Variants in COL15A1 observed in about 807,000 individuals in gnomAD.
COL15A1 encodes collagen alpha-1(XV) chain.
COL15A1 carries 111 observed loss-of-function variants against 165.9 expected under a neutral mutation model. The ratio of observed to expected loss-of-function variants is 0.67; its 90% CI spans 0.57 to 0.78. The LOEUF is 0.78. Ranked by LOEUF, COL15A1 falls within the 30% of genes least tolerant of loss-of-function variation. The pLI is 0.00. For synonymous variants in COL15A1, 659 were observed against 674.8 expected, an observed-to-expected ratio of 0.98 and a Z score of 0.36; for missense variants, 1,745 against 1,789.7, an observed-to-expected ratio of 0.98 and a Z score of 0.45.
In COL15A1 at chr9:99,056,505, G is replaced by T. The variant is rs1276070435; in HGVS notation, c.3337+101G>T. On this transcript the variant is annotated intron_variant, in intron 35 of 41. Transcript: ENST00000375001. ...GTCACAGCTGCACTGCCTAACAGAG[G>T]GCTTTCCTGGATACCGCCTTCTTTC... is the stretch of plus-strand genomic sequence containing the variant. 3.4e-6 allele frequency: 5 copies of T among 1,457,088 alleles called. No homozygotes were observed. The Admixed American group carries it at 7.7e-5, about 22-fold the overall frequency. The allele number at this position is 1,457,088 out of a possible 1,614,324, so 90.3% of individuals were successfully genotyped here. A position where few individuals can be genotyped will look rare whatever the true frequency, so the allele number is the denominator to read the frequency against.
chr9:99,035,089 C>T lies in COL15A1; in HGVS notation c.2155C>T (p.Pro719Ser), dbSNP rs1264547568. Reference sequence around the variant, plus strand: ...AGCTGGCCCTCCTGGGGTCATGGGACCCCCAGGGCCTCCTGGACCCCCTGG... The same window carrying T: ...AGCTGGCCCTCCTGGGGTCATGGGATCCCCAGGGCCTCCTGGACCCCCTGG... ...GQAGPPGVMGPPGPPGPPGPP... is the reference protein window; with the variant it reads ...GQAGPPGVMGSPGPPGPPGPP... Residue 719 changes from proline to serine, a missense_variant, in exon 18 of 42, where the codon CCC becomes TCC. By Grantham distance (74) the Pro-to-Ser change is moderately conservative. Coordinates refer to ENST00000375001, the MANE Select transcript of COL15A1 (RefSeq NM_001855.5). 2 of 1,602,108 alleles carry T rather than the reference C, an allele frequency of 1.2e-6. No individual in the cohort carries two copies. Among genetic ancestry groups the T allele is most frequent in the Non-Finnish European group, 1.7e-6 (2 of 1,169,632 alleles).
At chr9:98,988,737 A>G (rs971474042) in intron 4 of COL15A1, among the ~76,000 whole-genome samples, 1 of 152,086 alleles carries the variant, frequency 6.6e-6, no homozygotes, top group Non-Finnish European at 1.5e-5. Context: ...AGCCTGGCCA[A>G]CATGGTGAAA....
intron 2 of COL15A1, among the ~76,000 whole-genome samples, chr9:98,959,041 T>C (rs1038474175): frequency 3.9e-5 from 6 of 151,942 alleles, no homozygotes; most frequent in Non-Finnish European, 7.4e-5. Context: ...CTTTAGTTCA[T>C]GGAATGGCTG....
At chr9:99,013,931 A>T (rs1057503473) in intron 9 of COL15A1, among the ~76,000 whole-genome samples, 1 of 152,156 alleles carries the variant, frequency 6.6e-6, no homozygotes, top group Non-Finnish European at 1.5e-5. Context: ...AAAGAAAAAA[A>T]GTTTTTAAGA....
chr9:99,038,250 T>C (rs993060173), intron 21 of COL15A1, among the ~76,000 whole-genome samples: 21 of 152,294 alleles, frequency 1.4e-4, no homozygotes, highest in African/African-American at 5.1e-4. Flanking sequence ...AAAATATTCA[T>C]ATTCCAAAAT....
chr9:99,029,883 C>T (rs1329409927), intron 16 of COL15A1, among the ~76,000 whole-genome samples: 3 of 151,780 alleles, frequency 2.0e-5, no homozygotes, highest in Admixed American at 6.6e-5. Context: ...CGAGATCGTG[C>T]CATTGCACTC....
rs563425953 is a variant in COL15A1, at chr9:99,015,900, A to G, written c.1504-76A>G. 918 of 1,553,074 alleles carry G rather than the reference A, an allele frequency of 5.9e-4. 1 individual carries two copies. Among genetic ancestry groups the G allele is most frequent in the Non-Finnish European group, 7.6e-4 (870 of 1,142,068 alleles). ...TGCTTTGAAACTGGGCTGGCACCAC[A>G]GAAACGACTGTTACAACTCCCTGGC... On this transcript the variant is annotated intron_variant, in intron 10 of 41. Transcript: ENST00000375001.
chr9:98,988,792 G>A (rs1333009529), intron 4 of COL15A1, among the ~76,000 whole-genome samples: 1 of 151,906 alleles, frequency 6.6e-6, no homozygotes, highest in East Asian at 1.9e-4. Flanking sequence ...GCGTGGTGGC[G>A]TGTGCTTGTA....
At chr9:99,032,202 A>G (rs542036483) in intron 16 of COL15A1, among the ~76,000 whole-genome samples, 1 of 151,394 alleles carries the variant, frequency 6.6e-6, no homozygotes, top group Non-Finnish European at 1.5e-5. Flanking sequence ...TTATTTTTTA[A>G]TTTATTTTTA....
chr9:99,000,121 T>A (rs532255737), intron 6 of COL15A1, among the ~76,000 whole-genome samples: 3 of 152,298 alleles, frequency 2.0e-5, no homozygotes, highest in Non-Finnish European at 4.4e-5. Flanking sequence ...TCTGCCCACC[T>A]CGGCCTCCCA....
intron 2 of COL15A1, among the ~76,000 whole-genome samples, chr9:98,982,138 A>G (rs980088284): frequency 6.6e-6 from 1 of 151,368 alleles, no homozygotes; most frequent in African/African-American, 2.4e-5. Context: ...ATATAGAGAG[A>G]GATAGGGTAT....
chr9:99,025,846 G>T (rs373147685), intron 15 of COL15A1, 58 bp from the exon 16 acceptor site: 5 of 1,562,886 alleles, frequency 3.2e-6, no homozygotes, highest in Non-Finnish European at 4.4e-6. Flanking sequence ...TCTAGCAAGC[G>T]TGTGTATGTG....
At chr9:98,966,239 C>A (rs1889265) in intron 2 of COL15A1, among the ~76,000 whole-genome samples, 36,842 of 152,098 alleles carry the variant, frequency 0.24, 4,935 homozygotes, top group East Asian at 0.36. Flanking sequence ...TCAAGAAACA[C>A]CCCAGGCCAT....
chr9:99,016,699 A>G (rs527516859), intron 11 of COL15A1, among the ~76,000 whole-genome samples: 2 of 152,354 alleles, frequency 1.3e-5, no homozygotes, highest in Admixed American at 6.5e-5. Flanking sequence ...TCTTAGAAAT[A>G]GGAAACCCAG....
intron 26 of COL15A1, among the ~76,000 whole-genome samples, chr9:99,045,382 C>T (rs770489403): frequency 5.9e-5 from 9 of 152,216 alleles, no homozygotes; most frequent in Admixed American, 2.6e-4. Context: ...AAGCCCTCTT[C>T]TCTCTCTGGG....
At position 99,035,028 on chromosome 9, in the gene COL15A1, C is replaced by T. The variant is rs1489960569; in HGVS notation, c.2094C>T (p.Asn698=). 4.3e-6 allele frequency: 7 copies of T among 1,613,204 alleles called. No individual in the cohort carries two copies. The highest frequency in any genetic ancestry group is 1.3e-5 in the African/African-American group (1 of 74,922). ...GSVGEKGDPG[N]RGLPGPPGKK... ...CTTTCCTACAGGGTGACCCTGGCAA[C>T]AGAGGCTTACCTGGACCCCCGGGGA... The change falls in exon 18 of 42, where the codon AAC becomes AAT. Residue 698 remains asparagine, a synonymous_variant. Transcript: ENST00000375001.
chr9:99,050,268 T>A (rs751224288), intron 30 of COL15A1, among the ~76,000 whole-genome samples: 5 of 152,210 alleles, frequency 3.3e-5, no homozygotes, highest in South Asian at 2.1e-4. Flanking sequence ...CATTGAGAAC[T>A]TTGTAACTAA....
intron 21 of COL15A1, among the ~76,000 whole-genome samples, chr9:99,037,213 G>A (rs561888593): frequency 6.6e-6 from 1 of 152,124 alleles, no homozygotes; most frequent in African/African-American, 2.4e-5. Flanking sequence ...ACAGCAAGTG[G>A]CCTATTTACA....
chr9:99,024,099 CT>C (rs1839072073), intron 14 of COL15A1, among the ~76,000 whole-genome samples: 1 of 152,122 alleles, frequency 6.6e-6, no homozygotes, highest in South Asian at 2.1e-4. Flanking sequence ...TTGGCTGCCC[CT>C]CTGCCCACTC....
Sources: gnomAD v4.1 joint callset for allele counts (sites outside exome capture counted in the v4.1 genomes callset) on GRCh38, gnomAD v4.1.1 for gene constraint, MANE v1.5 for transcripts, NCBI Gene and HGNC (gene_info 2026-07-23, HGNC 2026-07-21) for gene names.